The following DNAH12 variants were observed in gnomAD, a reference collection of about 807,000 sequenced individuals.
The protein encoded by DNAH12 is axonemal beta dynein heavy chain 12.
Under a neutral mutation model 371.5 loss-of-function variants are expected in DNAH12, and 285 were observed. The ratio of observed to expected loss-of-function variants is 0.77; its 90% CI spans 0.70 to 0.85. The LOEUF (loss-of-function observed/expected upper bound fraction) is 0.85. DNAH12 is among the 40% of genes least tolerant of loss of function. DNAH12 has a pLI of 0.00. For missense variants in DNAH12, 3,611 were observed against 3,689.4 expected (o/e 0.98, Z 0.55); for synonymous variants, 1,200 against 1,213.0 (o/e 0.99, Z 0.22).
At chr3:57,398,311 C>G (rs1158789587) in intron 43 of DNAH12, among the ~76,000 whole-genome samples, 2 of 151,786 alleles carry the variant, frequency 1.3e-5, no homozygotes, top group Admixed American at 1.3e-4. Context: ...TCAAGTGGAC[C>G]AATATATGCA....
At chr3:57,432,316 C>T (rs897678664) in intron 32 of DNAH12, among the ~76,000 whole-genome samples, 2 of 148,832 alleles carry the variant, frequency 1.3e-5, no homozygotes, top group Non-Finnish European at 3.0e-5. Context: ...ATTACAGGCG[C>T]GCGCCACCAC....
At chr3:57,523,967 A>T in intron 2 of DNAH12, 83 bp from the exon 3 acceptor site, 1 of 985,188 alleles carries the variant, frequency 1.0e-6, no homozygotes, top group Non-Finnish European at 1.5e-6. Flanking sequence ...CATTTTTCCA[A>T]CTATACTAAG....
chr3:57,548,576 T>C (rs2069595737), upstream of DNAH12, among the ~76,000 whole-genome samples: 2 of 152,038 alleles, frequency 1.3e-5, no homozygotes, highest in African/African-American at 4.8e-5. Context: ...GTTGGTGGTG[T>C]GCACTTGTGG....
chr3:57,408,424 A>G lies in DNAH12; in HGVS notation c.6132T>C (p.His2044=). The G allele has an allele frequency of 6.4e-7, 1 of 1,551,580 alleles. No individual in the cohort carries two copies. The highest frequency in any genetic ancestry group is 8.7e-7 in the Non-Finnish European group (1 of 1,146,908). The change falls in exon 40 of 74, where the codon CAT becomes CAC. Residue 2044 remains histidine (H), a synonymous_variant. Coordinates refer to ENST00000495027, the MANE Select transcript of DNAH12 (RefSeq NM_001366028.2). ...AAGAATTAATACTGCAGATGTTGAA[A>G]TGTCGAATACAACGGGGAGTAACTG... ...RNPVTPRCIR[H]FNICSINSFS...
intron 39 of DNAH12, among the ~76,000 whole-genome samples, chr3:57,409,195 C>G (rs1440430723): frequency 6.6e-6 from 1 of 152,152 alleles, no homozygotes; most frequent in Non-Finnish European, 1.5e-5. Context: ...TGGAACCACT[C>G]AGAGTAAAAG....
chr3:57,534,483 G>A (rs927439312), intron 2 of DNAH12, among the ~76,000 whole-genome samples: 1 of 149,698 alleles, frequency 6.7e-6, no homozygotes, highest in African/African-American at 2.5e-5. Flanking sequence ...CACTTTCTGA[G>A]GTAGCCCAAT....
At chr3:57,410,499 T>A (rs1330460078) in intron 39 of DNAH12, among the ~76,000 whole-genome samples, 1 of 152,084 alleles carries the variant, frequency 6.6e-6, no homozygotes, top group Non-Finnish European at 1.5e-5. Flanking sequence ...TTCCTTGAGA[T>A]AAACAGTATG....
chr3:57,350,767 A>G (rs1251609969), intron 60 of DNAH12, among the ~76,000 whole-genome samples: 1 of 152,246 alleles, frequency 6.6e-6, no homozygotes, highest in African/African-American at 2.4e-5. Flanking sequence ...ATTTGTGTCT[A>G]GAATATATAA....
intron 60 of DNAH12, among the ~76,000 whole-genome samples, chr3:57,337,066 C>T (rs1320096200): frequency 1.3e-5 from 2 of 152,084 alleles, no homozygotes; most frequent in African/African-American, 4.8e-5. Flanking sequence ...AGATATTCCA[C>T]ACCAATGAAA....
chr3:57,349,211 C>T (rs1344532439), intron 60 of DNAH12, among the ~76,000 whole-genome samples: 1 of 152,162 alleles, frequency 6.6e-6, no homozygotes, highest in African/African-American at 2.4e-5. Context: ...AAATGGCCAA[C>T]AAGCATATGG....
intron 12 of DNAH12, 108 bp downstream of exon 12, chr3:57,489,401 G>T: frequency 8.5e-7 from 1 of 1,170,336 alleles, no homozygotes; most frequent in Non-Finnish European, 1.1e-6. Context: ...TGGAGAAAAA[G>T]TTGTACGTAC....
At chr3:57,314,412 A>G in intron 66 of DNAH12, 82 bp downstream of exon 66, 1 of 1,507,956 alleles carries the variant, frequency 6.6e-7, no homozygotes, top group Non-Finnish European at 9.0e-7. Flanking sequence ...GGAGAAGTGA[A>G]TCAGCTATTC....
intron 62 of DNAH12, among the ~76,000 whole-genome samples, chr3:57,327,940 C>G (rs1018307945): frequency 6.6e-6 from 1 of 152,012 alleles, no homozygotes; most frequent in Admixed American, 6.5e-5. Flanking sequence ...CACCTCTACA[C>G]AAATAAACTA....
intron 4 of DNAH12, among the ~76,000 whole-genome samples, chr3:57,516,176 G>C (rs2068187583): frequency 6.9e-6 from 1 of 144,570 alleles, no homozygotes. Flanking sequence ...TGATGTTCCT[G>C]CCTCAGCCTC....
rs745562206 is a variant in DNAH12, at chr3:57,523,805, T to C, written c.250A>G (p.Thr84Ala). 3 of 1,597,680 alleles carry C rather than the reference T, an allele frequency of 1.9e-6. No homozygotes were observed. The highest frequency in any genetic ancestry group is 2.6e-6 in the Non-Finnish European group (3 of 1,174,382). Reference sequence around the variant, plus strand: ...TTAACGAGAAAACATAAACTTACAGTTTGAGGATAATCAGGTGGTGGTAAT... The same window carrying C: ...TTAACGAGAAAACATAAACTTACAGCTTGAGGATAATCAGGTGGTGGTAAT... ...PLLPPPDYPQ[T>A]MTSEMKKKGF... Residue 84 changes from threonine (T) to alanine (A), a missense_variant and splice_region_variant, in exon 3 of 74, where the codon ACT (threonine) becomes GCT (alanine). Physicochemically the swap from Thr to Ala is moderately conservative, Grantham distance 58. This residue lies in a region of DNAH12 where 1,314 missense variants were observed against 1,398.7 expected (regional missense o/e 0.94). Transcript: ENST00000495027.
At chr3:57,327,980 C>T (rs977054123) in intron 62 of DNAH12, among the ~76,000 whole-genome samples, 19 of 151,670 alleles carry the variant, frequency 1.3e-4, no homozygotes, top group East Asian at 9.7e-4. Context: ...ATAAATTCCT[C>T]GACACATACA....
chr3:57,421,384 T>G, intron 36 of DNAH12, 134 bp downstream of exon 36: 1 of 671,252 alleles, frequency 1.5e-6, no homozygotes, highest in Non-Finnish European at 2.4e-6. Context: ...TTATGGGAGG[T>G]GAAACTAAAA....
chr3:57,350,052 G>A (rs908852637), intron 60 of DNAH12, among the ~76,000 whole-genome samples: 14 of 152,248 alleles, frequency 9.2e-5, no homozygotes, highest in Non-Finnish European at 1.0e-4. Context: ...AGCAAACTTC[G>A]TATGTTCTCA....
chr3:57,464,114 C>T (rs1163363307), intron 17 of DNAH12, among the ~76,000 whole-genome samples: 2 of 152,002 alleles, frequency 1.3e-5, no homozygotes, highest in Non-Finnish European at 1.5e-5. Flanking sequence ...ACCAGCTACC[C>T]CACCACCCTG....
Sources: allele counts gnomAD v4.1 joint callset (sites outside exome capture counted in the v4.1 genomes callset), GRCh38; gene constraint gnomAD v4.1.1; regional missense constraint gnomAD v4.1.1; transcripts MANE v1.5; gene names NCBI Gene and HGNC (gene_info 2026-07-23, HGNC 2026-07-21).